The following GARNL3 variants were observed in gnomAD, a reference collection of about 807,000 sequenced individuals.
GARNL3 encodes the protein GTPase activating Rap/RanGAP domain like 3, also known as GTPase-activating Rap/Ran-GAP domain-like protein 3.
Under a neutral mutation model 125.0 loss-of-function variants are expected in GARNL3, and 63 were observed. The observed-to-expected ratio is 0.50, with a 90% CI of 0.41 to 0.62. The LOEUF (loss-of-function observed/expected upper bound fraction) is 0.62, where lower values mean the gene tolerates loss of function less well. Among genes scored for constraint, GARNL3 ranks in the 20% least tolerant of loss-of-function variants. The pLI is 0.00. For synonymous variants in GARNL3, 439 were observed against 457.5 expected (o/e 0.96, Z 0.52); for missense variants, 994 against 1,244.0 (o/e 0.80, Z 3.02).
intron 21 of GARNL3, among the ~76,000 whole-genome samples, chr9:127,359,586 A>G (rs960276498): frequency 4.6e-5 from 7 of 152,198 alleles, no homozygotes; most frequent in Admixed American, 4.6e-4. Flanking sequence ...TCCTTGTTCA[A>G]TCAGTCCTTT....
chr9:127,345,960 A>G (rs1830114528), intron 16 of GARNL3, among the ~76,000 whole-genome samples: 2 of 152,168 alleles, frequency 1.3e-5, no homozygotes, highest in East Asian at 3.8e-4. Flanking sequence ...TTCTGATTGA[A>G]CAGGTCTGGG....
Position 127,264,993 on chromosome 9 carries a change from G to A in GARNL3, c.116G>A (p.Ser39Asn), listed in dbSNP as rs1246204995. The change falls in exon 1 of 28, where the codon AGT becomes AAT. Residue 39 changes from serine to asparagine, a missense_variant. Coordinates refer to ENST00000373387, the MANE Select transcript of GARNL3 (RefSeq NM_032293.5). ...EDLGCRRGDF[S>N]RKHYGSVELL... ...CTAGGCTGTAGACGTGGGGATTTCAGTAGGAAACATTATGGATCTGTGGAG... is the reference window on the plus strand; with the variant it reads ...CTAGGCTGTAGACGTGGGGATTTCAATAGGAAACATTATGGATCTGTGGAG... The A allele has an allele frequency of 6.2e-7, 1 of 1,613,208 alleles. No homozygotes were observed. Among genetic ancestry groups the A allele is most frequent in the South Asian group, 1.1e-5 (1 of 90,868 alleles).
In GARNL3 at chr9:127,237,505, A is replaced by G. The variant is rs573315702; in HGVS notation, c.-28-5574A>G. Among the ~76,000 whole-genome samples the G allele has an allele frequency of 2.6e-5, 4 of 152,370 alleles. No homozygotes were observed. In the East Asian group the frequency reaches 5.8e-4, roughly 22 times the overall value. On this transcript the variant is annotated intron_variant, in intron 1 of 10. Coordinates refer to the GARNL3 transcript ENST00000439286. ...AGTTTTAGCTTTCCAACTTTTGCAC[A>G]GTGGAAGGGGACTGAAGTGGGTATT...
chr9:127,284,660 AT>A (rs2064195838), intron 1 of GARNL3, among the ~76,000 whole-genome samples: 1 of 151,960 alleles, frequency 6.6e-6, no homozygotes, highest in African/African-American at 2.4e-5. Flanking sequence ...CACCTATCAC[AT>A]TATGTGTTTT....
chr9:127,322,718 A>C (rs1044111093), intron 6 of GARNL3, among the ~76,000 whole-genome samples: 1 of 152,224 alleles, frequency 6.6e-6, no homozygotes, highest in African/African-American at 2.4e-5. Context: ...TAAAAATGGT[A>C]GGAGCCAGAG....
At chr9:127,344,431 G>A (rs907193794) in intron 15 of GARNL3, 92 bp downstream of exon 15, 9 of 824,200 alleles carry the variant, frequency 1.1e-5, no homozygotes, top group Non-Finnish European at 1.6e-5. Flanking sequence ...TTGTTTGCCT[G>A]CTGCTGTAGG....
chr9:127,383,616 T>C lies in GARNL3; in HGVS notation c.2269+71T>C, dbSNP rs941737759. 8.2e-6 allele frequency: 8 copies of C among 977,164 alleles called. No individual in the cohort carries two copies. The East Asian group carries it at 2.0e-4, about 24-fold the overall frequency. The allele number at this position is 977,164 out of a possible 1,614,324, so 60.5% of individuals were successfully genotyped here. ...TCTGAACTATTGTAAGCAAATCCTA[T>C]GTAAGCAAATCACTGGCTTACTGCG... On this transcript the variant is annotated intron_variant, in intron 23 of 27. Coordinates refer to ENST00000373387, the MANE Select transcript of GARNL3 (RefSeq NM_032293.5).
intron 2 of GARNL3, among the ~76,000 whole-genome samples, chr9:127,244,840 C>T (rs148523970): frequency 3.3e-5 from 5 of 152,284 alleles, no homozygotes; most frequent in Non-Finnish European, 4.4e-5. Flanking sequence ...TCAGAGCTTC[C>T]GCACCTTCCA....
chr9:127,331,248 G>T (rs1326666474), intron 7 of GARNL3, among the ~76,000 whole-genome samples: 1 of 152,154 alleles, frequency 6.6e-6, no homozygotes, highest in Admixed American at 6.5e-5. Flanking sequence ...CAGCACTTTG[G>T]GAGGCTGAGG....
At chr9:127,291,675 T>G (rs891500948) in intron 2 of GARNL3, among the ~76,000 whole-genome samples, 20 of 150,948 alleles carry the variant, frequency 1.3e-4, no homozygotes, top group African/African-American at 4.6e-4. Context: ...CCACGCCTAC[T>G]TTCTGGGCTC....
At chr9:127,346,493 G>T (rs1375293926) in intron 16 of GARNL3, among the ~76,000 whole-genome samples, 1 of 152,202 alleles carries the variant, frequency 6.6e-6, no homozygotes, top group Non-Finnish European at 1.5e-5. Flanking sequence ...CAGTTCCAGT[G>T]TCTGCTTGTT....
intron 2 of GARNL3, among the ~76,000 whole-genome samples, chr9:127,295,914 A>G (rs910148673): frequency 6.6e-6 from 1 of 152,162 alleles, no homozygotes; most frequent in Admixed American, 6.5e-5. Flanking sequence ...GTAATATATA[A>G]TGAAATAATT....
intron 22 of GARNL3, among the ~76,000 whole-genome samples, chr9:127,381,416 T>A (rs1832249342): frequency 6.6e-6 from 1 of 151,978 alleles, no homozygotes; most frequent in African/African-American, 2.4e-5. Flanking sequence ...AAAATGTAGG[T>A]GGGGACATTT....
intron 22 of GARNL3, among the ~76,000 whole-genome samples, chr9:127,374,880 C>T (rs1220168331): frequency 2.1e-5 from 3 of 145,456 alleles, no homozygotes; most frequent in Non-Finnish European, 3.0e-5. Flanking sequence ...CAAGATTAGC[C>T]TGGGCAGTAT....
chr9:127,367,967 GTATT>G (rs75893477), intron 22 of GARNL3, among the ~76,000 whole-genome samples: 23,033 of 146,360 alleles, frequency 0.16, 2,096 homozygotes, highest in South Asian at 0.34. Context: ...AATCATCAGA[GTATT>G]TATTCAGAAC....
At position 127,384,345 on chromosome 9, in the gene GARNL3, G is replaced by A. The variant is rs141958995; in HGVS notation, c.2270-682G>A. 2.1e-3 allele frequency among the ~76,000 whole-genome samples: 320 copies of A among 152,170 alleles called. No individual in the cohort carries two copies. Among genetic ancestry groups the A allele is most frequent in the African/African-American group, 7.1e-3 (295 of 41,522 alleles). ...CGCTCATCCATGGAAAGAGTGCAGA[G>A]AGAGCCAGTGCGAAGAAGGGGACAA... On this transcript the variant is annotated intron_variant, in intron 23 of 27. Transcript: ENST00000373387. The surrounding 1 kb of genome is among the most constrained non-coding windows in gnomAD (Gnocchi z 4.0).
At chr9:127,293,645 C>T (rs550008203) in intron 2 of GARNL3, among the ~76,000 whole-genome samples, 3 of 152,028 alleles carry the variant, frequency 2.0e-5, no homozygotes, top group South Asian at 2.1e-4. Context: ...CATCTGCGAC[C>T]GAGAATTCCA....
rs1211369032 is a variant in GARNL3, at chr9:127,225,804, C to CGGCTCG, written c.-29+1466_-29+1467insGGCTCG. ...CCGCACACCTGCTGCCTCCGCGGCCCCCGCGCCCCTCGCGCCCCTTGCGCC... is the reference window on the plus strand; with the variant it reads ...CCGCACACCTGCTGCCTCCGCGGCCCGGCTCGCCGCGCCCCTCGCGCCCCTTGCGCC... On this transcript the variant is annotated intron_variant, in intron 1 of 10. Coordinates refer to the GARNL3 transcript ENST00000439286. Among the ~76,000 whole-genome samples, 673 of 143,056 alleles carry CGGCTCG rather than the reference C, an allele frequency of 4.7e-3. 6 individuals carry two copies. The highest frequency in any genetic ancestry group is 0.012 in the African/African-American group (461 of 39,026). 93.9% of individuals were successfully genotyped at this position (143,056 alleles called of 152,430 possible). A position where few individuals can be genotyped will look rare whatever the true frequency, so the allele number is the denominator to read the frequency against.
intron 2 of GARNL3, among the ~76,000 whole-genome samples, chr9:127,301,858 A>C (rs2064797494): frequency 7.0e-6 from 1 of 143,362 alleles, no homozygotes; most frequent in South Asian, 2.5e-4. Context: ...ATCAATTAGT[A>C]GATGGTGCAG....
Sources: allele counts gnomAD v4.1 joint callset (sites outside exome capture counted in the v4.1 genomes callset), GRCh38; gene constraint gnomAD v4.1.1; non-coding constraint Gnocchi (gnomAD v3.1); transcripts MANE v1.5; gene names NCBI Gene and HGNC (gene_info 2026-07-23, HGNC 2026-07-21).